TMED3: variants seen among roughly 807,000 people sequenced by gnomAD.
The protein encoded by TMED3 is transmembrane p24 trafficking protein 3.
Under a neutral mutation model 15.0 loss-of-function variants are expected in TMED3, and 9 were observed. That is an observed-to-expected ratio of 0.60 (90% confidence interval 0.36 to 1.04). The LOEUF is 1.04. TMED3 is among the 50% of genes least tolerant of loss of function. The pLI, the probability that TMED3 is intolerant of heterozygous loss-of-function variation, is 0.01. For missense variants in TMED3, 267 were observed against 278.9 expected (o/e 0.96, Z 0.30); for synonymous variants, 117 against 121.4 (o/e 0.96, Z 0.24).
rs933529847 is a variant in TMED3 at position 79,406,423 on chromosome 15, A to T, written c.418-4977A>T. On this transcript the variant is annotated intron_variant, in intron 2 of 2. Coordinates refer to the TMED3 transcript ENST00000424155. The stretch of plus-strand genomic sequence containing the variant: ...ACTGTGAGAGAATTTGGGCCAGGGC[A>T]TCACATGACCTTCCCCATCCCCACT... Among the ~76,000 whole-genome samples, 144 of 152,202 alleles carry T rather than the reference A, an allele frequency of 9.5e-4. 1 individual carries two copies. Among genetic ancestry groups the T allele is most frequent in the Non-Finnish European group, 2.2e-4 (15 of 68,022 alleles).
At chr15:79,397,547 C>T (rs138453249) in intron 2 of TMED3, among the ~76,000 whole-genome samples, 6 of 152,324 alleles carry the variant, frequency 3.9e-5, no homozygotes, top group Admixed American at 6.5e-5. Context: ...GCAAGCCAAT[C>T]TTTGATGATT....
rs897010190 is a variant in TMED3 at position 79,377,379 on chromosome 15, A to C, written c.418-34021A>C. ...GGAGTTTTGAGTGTAGGTGTGTCTT[A>C]TTTTTGTACTTTTACAGTCTCTAAT... On this transcript the variant is annotated intron_variant, in intron 2 of 2. Coordinates refer to the TMED3 transcript ENST00000424155. Among the ~76,000 whole-genome samples the C allele has an allele frequency of 2.0e-5, 3 of 151,570 alleles. No individual in the cohort carries two copies. In the South Asian group the frequency reaches 6.2e-4, roughly 32 times the overall value.
intron 2 of TMED3, chr15:79,411,311 T>G: frequency 1.5e-6 from 1 of 669,530 alleles, no homozygotes; most frequent in South Asian, 1.6e-5. Context: ...TCAACAGAAC[T>G]AGAGAATGCA....
At chr15:79,337,172 A>G (rs2058830284) in intron 2 of TMED3, among the ~76,000 whole-genome samples, 1 of 152,202 alleles carries the variant, frequency 6.6e-6, no homozygotes, top group Admixed American at 6.5e-5. Flanking sequence ...ACCGTTCTGG[A>G]GGCAGGAAGT....
intron 2 of TMED3, among the ~76,000 whole-genome samples, chr15:79,316,430 T>C (rs1483377707): frequency 6.6e-6 from 1 of 152,202 alleles, no homozygotes; most frequent in Non-Finnish European, 1.5e-5. Context: ...CCTGGTGATC[T>C]AGGAAGGATT....
chr15:79,390,752 A>G (rs962653321), intron 2 of TMED3, among the ~76,000 whole-genome samples: 3 of 151,840 alleles, frequency 2.0e-5, no homozygotes, highest in African/African-American at 7.3e-5. Flanking sequence ...TACCATTTCA[A>G]TCTCACTGCT....
intron 2 of TMED3, among the ~76,000 whole-genome samples, chr15:79,398,868 C>T (rs1255792430): frequency 6.6e-6 from 1 of 151,976 alleles, no homozygotes; most frequent in Non-Finnish European, 1.5e-5. Flanking sequence ...AGGCTAGGGC[C>T]ATCTGTTTTA....
intron 2 of TMED3, among the ~76,000 whole-genome samples, chr15:79,364,371 C>T (rs188726338): frequency 2.0e-4 from 31 of 152,038 alleles, no homozygotes; most frequent in African/African-American, 6.8e-4. Context: ...GGAGGTTCTC[C>T]GGGGGCTCTT....
At chr15:79,371,825 G>A (rs954986599) in intron 2 of TMED3, among the ~76,000 whole-genome samples, 10 of 152,206 alleles carry the variant, frequency 6.6e-5, no homozygotes, top group African/African-American at 2.4e-4. Flanking sequence ...CTCTGGTTAT[G>A]CACCTCTGGG....
chr15:79,353,785 G>A (rs1327788048), intron 2 of TMED3, among the ~76,000 whole-genome samples: 1 of 151,938 alleles, frequency 6.6e-6, no homozygotes, highest in Non-Finnish European at 1.5e-5. Flanking sequence ...TAAAAAGAAA[G>A]AAGTAACACA....
Position 79,313,776 on chromosome 15 carries a change from A to C in TMED3, c.188A>C (p.Tyr63Ser), listed in dbSNP as rs2058727976. 2 of 1,614,010 alleles carry C rather than the reference A, an allele frequency of 1.2e-6. No homozygotes were observed. The highest frequency in any genetic ancestry group is 2.2e-5 in the South Asian group (2 of 91,084). ...LDYQVITGGHYDVDCYVEDPQ... is the reference protein window; with the variant it reads ...LDYQVITGGHSDVDCYVEDPQ... ...TGTCAGGTCATCACTGGAGGCCACT[A>C]CGATGTTGACTGCTATGTAGAGGAC... The change falls in exon 2 of 3, where the codon TAC becomes TCC. Residue 63 changes from tyrosine (Y) to serine (S), a missense_variant. Tyr to Ser is a moderately radical substitution (Grantham distance 144, BLOSUM62 -2). Around this residue, in one of 3 missense-constraint regions of TMED3, gnomAD observed 69 missense variants for 106.8 expected, o/e 0.65. Transcript: ENST00000299705.
At chr15:79,402,255 G>A (rs1385955611) in intron 2 of TMED3, among the ~76,000 whole-genome samples, 1 of 152,188 alleles carries the variant, frequency 6.6e-6, no homozygotes, top group Non-Finnish European at 1.5e-5. Context: ...GCATTTATCT[G>A]CAGGCTCCTG....
intron 2 of TMED3, among the ~76,000 whole-genome samples, chr15:79,388,573 A>G (rs1037606905): frequency 6.6e-6 from 1 of 152,168 alleles, no homozygotes; most frequent in African/African-American, 2.4e-5. Context: ...ATGTGCAAGT[A>G]TCTTTTTTGT....
intron 2 of TMED3, among the ~76,000 whole-genome samples, chr15:79,381,234 G>T (rs960384585): frequency 2.0e-5 from 3 of 152,062 alleles, no homozygotes; most frequent in African/African-American, 7.2e-5. Flanking sequence ...GTTGTTGGTG[G>T]GCTCTAAGGC....
At chr15:79,312,553 T>C (rs1406000581) in intron 1 of TMED3, among the ~76,000 whole-genome samples, 2 of 152,202 alleles carry the variant, frequency 1.3e-5, no homozygotes, top group Non-Finnish European at 2.9e-5. Flanking sequence ...TAGTAACTTT[T>C]GTCCGGACAA....
At chr15:79,388,046 T>A (rs938835672) in intron 2 of TMED3, among the ~76,000 whole-genome samples, 2 of 152,132 alleles carry the variant, frequency 1.3e-5, no homozygotes, top group African/African-American at 2.4e-5. Flanking sequence ...AATATAGGAT[T>A]TTTTTCCATT....
intron 2 of TMED3, among the ~76,000 whole-genome samples, chr15:79,390,036 A>G (rs1440226875): frequency 6.6e-6 from 1 of 152,174 alleles, no homozygotes; most frequent in Admixed American, 6.5e-5. Context: ...ATCAGCAAAC[A>G]GTGACAGTTT....
chr15:79,329,164 T>C (rs2058798357), intron 2 of TMED3, among the ~76,000 whole-genome samples: 1 of 152,210 alleles, frequency 6.6e-6, no homozygotes. Context: ...TCTGTGATTT[T>C]CTCTGTCCAG....
In TMED3 at chr15:79,321,998, C is replaced by T. The variant is rs2058769046; in HGVS notation, c.438C>T (p.Thr146=). The T allele has an allele frequency of 6.2e-7, 1 of 1,614,048 alleles. No individual in the cohort carries two copies. Among genetic ancestry groups the T allele is most frequent in the African/African-American group, 1.3e-5 (1 of 74,924 alleles). ...CCCAGATGGAGTCCGCCTGCGTGAC[C>T]ATCCATGAGGCTCTGAAAACGGTGA... is the stretch of plus-strand genomic sequence containing the variant. The part of the protein sequence containing the change: ...ALTQMESACV[T]IHEALKTVID... Residue 146 remains threonine, a synonymous_variant, in exon 3 of 3, where the codon ACC becomes ACT. Coordinates refer to ENST00000299705, the MANE Select transcript of TMED3 (RefSeq NM_007364.4).
Sources: allele counts gnomAD v4.1 joint callset (sites outside exome capture counted in the v4.1 genomes callset), GRCh38; gene constraint gnomAD v4.1.1; regional missense constraint gnomAD v4.1.1; transcripts MANE v1.5; gene names NCBI Gene and HGNC (gene_info 2026-07-23, HGNC 2026-07-21).